KIF1C: variants seen among roughly 807,000 people sequenced by gnomAD.
The protein encoded by KIF1C is kinesin family member 1C.
A neutral mutation model predicts 126.5 loss-of-function variants in KIF1C; 61 were observed. That is an observed-to-expected ratio of 0.48 (90% CI 0.39 to 0.60). The LOEUF (loss-of-function observed/expected upper bound fraction) is 0.60, where lower values mean the gene tolerates loss of function less well. Ranked by LOEUF, KIF1C falls within the 20% of genes least tolerant of loss-of-function variation. The pLI is 0.00. For missense variants in KIF1C, 1,315 were observed against 1,489.2 expected (o/e 0.88, Z 1.93); for synonymous variants, 640 against 580.6 (o/e 1.10, Z -1.47).
chr17:5,004,926 G>T lies in KIF1C; in HGVS notation c.1091G>T (p.Arg364Ile). 6.2e-7 allele frequency: 1 copy of T among 1,614,244 alleles called. No homozygotes were observed. The highest frequency in any genetic ancestry group is 8.5e-7 in the Non-Finnish European group (1 of 1,180,060). The change falls in exon 13 of 23, where the codon AGA becomes ATA. Residue 364 changes from arginine (R) to isoleucine (I), a missense_variant. Arg to Ile is a moderately conservative substitution (Grantham distance 97, BLOSUM62 -3). Coordinates refer to ENST00000320785, the MANE Select transcript of KIF1C (RefSeq NM_006612.6). ...INEDPNARLI[R>I]ELQEEVARLR... Reference sequence around the variant, plus strand: ...GAGGACCCTAATGCCCGGCTGATTAGAGAGCTGCAGGAGGAAGTAGCCCGG... The same window carrying T: ...GAGGACCCTAATGCCCGGCTGATTATAGAGCTGCAGGAGGAAGTAGCCCGG...
In KIF1C at chr17:5,020,770, A is replaced by G; in HGVS notation, c.1938-36A>G. 1 of 1,599,076 alleles carries G rather than the reference A, an allele frequency of 6.3e-7. No individual in the cohort carries two copies. Among genetic ancestry groups the G allele is most frequent in the Non-Finnish European group, 8.5e-7 (1 of 1,172,356 alleles). Reference sequence around the variant, plus strand: ...GTCCTCCTCTTGTCAGATACTCACCAAGGTTGCTCTTCCTTCCCTCCCTGT... The same window carrying G: ...GTCCTCCTCTTGTCAGATACTCACCGAGGTTGCTCTTCCTTCCCTCCCTGT... On this transcript the variant is annotated intron_variant, in intron 20 of 22. Transcript: ENST00000320785. This position sits in a 1 kb window ranked among gnomAD's most constrained non-coding sequence, Gnocchi z 5.8.
At position 4,998,099 on chromosome 17, in the gene KIF1C, C is replaced by T. The variant is rs1462726973; in HGVS notation, c.-206C>T. On this transcript the variant is annotated 5_prime_UTR_variant, in exon 1 of 23. Coordinates refer to ENST00000320785, the MANE Select transcript of KIF1C (RefSeq NM_006612.6). ...AGATCCTTCCCGCTTCCGCCTCACG[C>T]TTCCCGGAAAGCTTGTCCCTCTCCG... is the stretch of plus-strand genomic sequence containing the variant. 5 of 152,016 alleles carry T rather than the reference C, an allele frequency of 3.3e-5. No individual in the cohort carries two copies. The highest frequency in any genetic ancestry group is 5.9e-5 in the Non-Finnish European group (4 of 67,966). The allele number at this position is 152,016 out of a possible 1,614,324, so 9.4% of individuals were successfully genotyped here.
Position 5,002,851 on chromosome 17 carries a change from GC to G in KIF1C, c.720+20del, listed in dbSNP as rs10533622. 0.11 allele frequency: 142,372 copies of G among 1,325,424 alleles called. 1,158 individuals are homozygous for G. Among genetic ancestry groups the G allele is most frequent in the Admixed American group, 0.12 (5,917 of 49,568 alleles). The allele number at this position is 1,325,424 out of a possible 1,614,324, so 82.1% of individuals were successfully genotyped here. On this transcript the variant is annotated intron_variant, in intron 8 of 22. Coordinates refer to ENST00000320785, the MANE Select transcript of KIF1C (RefSeq NM_006612.6). ...GGCTGGACTCGGAGAAGGTGGGATC[GC>G]CCCCCCCCCCACTCCCCCACCGGAT...
rs762688207 is a variant in KIF1C, at chr17:5,020,806, G to A, written c.1938G>A (p.Arg646=). The A allele has an allele frequency of 2.6e-5, 42 of 1,595,396 alleles. No homozygotes were observed. Among genetic ancestry groups the A allele is most frequent in the Non-Finnish European group, 3.5e-5 (41 of 1,170,678 alleles). Residue 646 remains arginine, a splice_region_variant and synonymous_variant, in exon 21 of 23, where the codon AGG becomes AGA. Transcript: ENST00000320785. This position sits in a 1 kb window ranked among gnomAD's most constrained non-coding sequence, Gnocchi z 5.8. ...TCCTTCCCTCCCTGTCCAATCCCAGGCTGCAGGATCTGGAGAATCAGTACC... is the reference window on the plus strand; with the variant it reads ...TCCTTCCCTCCCTGTCCAATCCCAGACTGCAGGATCTGGAGAATCAGTACC... ...GIDIKLEMEK[R]LQDLENQYRK... is the part of the protein sequence containing the mutation.
chr17:5,021,906 T>A (rs1452331362), intron 21 of KIF1C, among the ~76,000 whole-genome samples, 186 bp from the exon 22 acceptor site: 1 of 152,214 alleles, frequency 6.6e-6, no homozygotes, highest in East Asian at 1.9e-4. Context: ...ATCCCGTCAC[T>A]ATCTCTGTTG....
Position 5,024,252 on chromosome 17 carries a change from A to G in KIF1C, c.*101A>G. The stretch of plus-strand genomic sequence containing the variant: ...CAGAAGTGCTGGGGCAGGGAGGCCC[A>G]GGAGATGAGAGAGAAGGTCCGAGTA... On this transcript the variant is annotated 3_prime_UTR_variant, in exon 23 of 23. Coordinates refer to ENST00000320785, the MANE Select transcript of KIF1C (RefSeq NM_006612.6). The G allele has an allele frequency of 2.4e-6, 2 of 828,482 alleles. No homozygotes were observed. Among genetic ancestry groups the G allele is most frequent in the Non-Finnish European group, 1.9e-6 (1 of 523,866 alleles). 51.3% of individuals were successfully genotyped at this position (828,482 alleles called of 1,614,324 possible). A position where few individuals can be genotyped will look rare whatever the true frequency, so the allele number is the denominator to read the frequency against.
intron 21 of KIF1C, among the ~76,000 whole-genome samples, chr17:5,021,151 G>A (rs1036632633): frequency 1.3e-5 from 2 of 148,382 alleles, no homozygotes; most frequent in African/African-American, 2.5e-5. Context: ...CACCTGTGTT[G>A]GTATTAAGAT....
chr17:5,024,225 C>T lies in KIF1C; in HGVS notation c.*74C>T. 1.8e-6 allele frequency: 2 copies of T among 1,102,640 alleles called. No homozygotes were observed. Among genetic ancestry groups the T allele is most frequent in the Non-Finnish European group, 2.6e-6 (2 of 760,232 alleles). The allele number at this position is 1,102,640 out of a possible 1,614,324, so 68.3% of individuals were successfully genotyped here. On this transcript the variant is annotated 3_prime_UTR_variant, in exon 23 of 23. Coordinates refer to ENST00000320785, the MANE Select transcript of KIF1C (RefSeq NM_006612.6). Reference sequence around the variant, plus strand: ...GGGAAGACGCCCGAGACGCTGCTTCCCCAGAAGTGCTGGGGCAGGGAGGCC... The same window carrying T: ...GGGAAGACGCCCGAGACGCTGCTTCTCCAGAAGTGCTGGGGCAGGGAGGCC...
At chr17:5,004,187 C>G (rs771570807) in intron 11 of KIF1C, 114 bp downstream of exon 11, 8 of 821,422 alleles carry the variant, frequency 9.7e-6, no homozygotes, top group Non-Finnish European at 1.7e-5. Flanking sequence ...TGTCTTACTT[C>G]TCCCCCTGAC....
In KIF1C at chr17:5,022,083, T is replaced by C; in HGVS notation, c.2011-9T>C. The C allele has an allele frequency of 1.3e-6, 2 of 1,588,942 alleles. No individual in the cohort carries two copies. The highest frequency in any genetic ancestry group is 1.7e-6 in the Non-Finnish European group (2 of 1,164,264). ...AGCCCTCTCTTCCTCTTTCTTTCTC[T>C]GGCCCCAGTATGCAGACTCGGACAG... On this transcript the variant is annotated splice_polypyrimidine_tract_variant and intron_variant, in intron 21 of 22. Transcript: ENST00000320785. This position sits in a 1 kb window ranked among gnomAD's most constrained non-coding sequence, Gnocchi z 4.9.
In KIF1C at chr17:5,022,282, T is replaced by A. The variant is rs1397753368; in HGVS notation, c.2201T>A (p.Leu734Gln). ...RVYQIPQRRR[L>Q]QGKDPRWATM... Reference sequence around the variant, plus strand: ...TATCAGATCCCCCAGCGACGCAGGCTGCAGGGCAAAGACCCCCGCTGGGCC... The same window carrying A: ...TATCAGATCCCCCAGCGACGCAGGCAGCAGGGCAAAGACCCCCGCTGGGCC... Residue 734 changes from leucine (L) to glutamine (Q), a missense_variant, in exon 22 of 23, where the codon CTG becomes CAG. Transcript: ENST00000320785. The surrounding 1 kb of genome is among the most constrained non-coding windows in gnomAD (Gnocchi z 4.9). 3 of 1,613,840 alleles carry A rather than the reference T, an allele frequency of 1.9e-6. No individual in the cohort carries two copies. Among genetic ancestry groups the A allele is most frequent in the Non-Finnish European group, 2.5e-6 (3 of 1,179,904 alleles).
intron 18 of KIF1C, among the ~76,000 whole-genome samples, chr17:5,017,765 T>G (rs923609537): frequency 2.0e-5 from 3 of 151,736 alleles, no homozygotes; most frequent in Non-Finnish European, 1.5e-5. Flanking sequence ...GAACTGAGGC[T>G]CTCGGGGGTT....
rs376330607 is a variant in KIF1C, at chr17:5,024,118, C to T, written c.3279C>T (p.Ala1093=). Residue 1093 remains alanine (A), a synonymous_variant, in exon 23 of 23, where the codon GCC becomes GCT. Coordinates refer to ENST00000320785, the MANE Select transcript of KIF1C (RefSeq NM_006612.6). The stretch of plus-strand genomic sequence containing the variant: ...CACGAATGAGACGGCAGCGTTCTGC[C>T]CCTGACCTCAAGGAGAGTGGGGCAG... ...TPPRMRRQRS[A]PDLKESGAAV is the part of the protein sequence containing the mutation. 2 of 1,610,790 alleles carry T rather than the reference C, an allele frequency of 1.2e-6. No homozygotes were observed. The highest frequency in any genetic ancestry group is 1.7e-6 in the Non-Finnish European group (2 of 1,178,596).
intron 3 of KIF1C, among the ~76,000 whole-genome samples, chr17:5,000,559 C>T (rs552715364): frequency 1.1e-4 from 17 of 152,140 alleles, no homozygotes; most frequent in Middle Eastern, 3.4e-3. Context: ...CCTCCATTGC[C>T]CAATCCAGGG....
At chr17:5,017,493 A>AC (rs1974998596) in intron 18 of KIF1C, among the ~76,000 whole-genome samples, 1 of 151,088 alleles carries the variant, frequency 6.6e-6, no homozygotes, top group Non-Finnish European at 1.5e-5. Flanking sequence ...TTTAGTAGAG[A>AC]CGGGGTTTCG....
intron 21 of KIF1C, among the ~76,000 whole-genome samples, chr17:5,021,505 G>A (rs1975090506): frequency 6.6e-6 from 1 of 151,108 alleles, no homozygotes; most frequent in Non-Finnish European, 1.5e-5. Flanking sequence ...TTTGAGGCAG[G>A]ATCTTGCTCT....
rs1975160056 is a variant in KIF1C, at chr17:5,024,161, C to G, written c.*10C>G. ...TGGGGCAGCTGTGTGAGTCCCACATCCTGGGCAGAGGGCCTGGTGGGGCCC... is the reference window on the plus strand; with the variant it reads ...TGGGGCAGCTGTGTGAGTCCCACATGCTGGGCAGAGGGCCTGGTGGGGCCC... On this transcript the variant is annotated 3_prime_UTR_variant, in exon 23 of 23. Transcript: ENST00000320785. 1 of 1,591,772 alleles carries G rather than the reference C, an allele frequency of 6.3e-7. No individual in the cohort carries two copies. Among genetic ancestry groups the G allele is most frequent in the African/African-American group, 1.4e-5 (1 of 73,934 alleles).
intron 16 of KIF1C, among the ~76,000 whole-genome samples, chr17:5,007,984 G>A (rs947036320): frequency 6.6e-6 from 1 of 152,206 alleles, no homozygotes; most frequent in African/African-American, 2.4e-5. Context: ...GGAGGCACCC[G>A]TGTAGCTTGG....
chr17:5,018,817 T>A (rs1975031989), intron 18 of KIF1C, among the ~76,000 whole-genome samples: 1 of 152,208 alleles, frequency 6.6e-6, no homozygotes, highest in South Asian at 2.1e-4. Flanking sequence ...CAGGGATTTT[T>A]TGTTTTATAT....
Sources: allele counts gnomAD v4.1 joint callset (sites outside exome capture counted in the v4.1 genomes callset), GRCh38; gene constraint gnomAD v4.1.1; non-coding constraint Gnocchi (gnomAD v3.1); transcripts MANE v1.5; gene names NCBI Gene and HGNC (gene_info 2026-07-23, HGNC 2026-07-21).